SAGE1: variants seen among roughly 807,000 people sequenced by gnomAD.
The protein encoded by SAGE1 is cancer/testis antigen 14.
Under a neutral mutation model 55.4 loss-of-function variants are expected in SAGE1, and 55 were observed. The observed-to-expected ratio is 0.99, with a 90% CI of 0.80 to 1.24. The LOEUF (loss-of-function observed/expected upper bound fraction) is 1.24, where lower values mean the gene tolerates loss of function less well. SAGE1 is among the 50% of genes most tolerant of loss of function. SAGE1 has a pLI of 0.00. For missense variants in SAGE1, 710 were observed against 704.4 expected, an observed-to-expected ratio of 1.01 and a Z score of -0.09; for synonymous variants, 240 against 244.3, an observed-to-expected ratio of 0.98 and a Z score of 0.17.
intron 1 of SAGE1, among the ~76,000 whole-genome samples, chrX:135,895,663 A>T (rs113845399): frequency 9.1e-6 from 1 of 110,486 alleles, no homozygotes; most frequent in East Asian, 2.8e-4. Context: ...GGAATATCTG[A>T]AGATGCTGGT....
In SAGE1 at chrX:135,906,319, T is replaced by G. The variant is rs782817789; in HGVS notation, c.596-92T>G. ...TGATATATCCTACTGCTTTATGAAA[T>G]AATTTCATAGAAACTGAGCACCAGA... On this transcript the variant is annotated intron_variant, in intron 6 of 19. Transcript: ENST00000370709. 42 of 1,110,634 alleles carry G rather than the reference T, an allele frequency of 3.8e-5. No homozygotes were observed. The East Asian group carries it at 1.3e-3, about 34-fold the overall frequency. The allele number at this position is 1,110,634 out of a possible 1,213,427, so 91.5% of individuals were successfully genotyped here.
At chrX:135,912,687 A>AT (rs1299068339) in intron 19 of SAGE1, 111 bp from the exon 20 acceptor site, 6 of 1,117,180 alleles carry the variant, frequency 5.4e-6, no homozygotes, top group Non-Finnish European at 7.1e-6. Context: ...ATGAGGATGC[A>AT]TTTTCTGTTT....
chrX:135,911,081 T>G, intron 16 of SAGE1, 111 bp from the exon 17 acceptor site: 1 of 872,504 alleles, frequency 1.1e-6, no homozygotes, highest in East Asian at 3.2e-5. Flanking sequence ...ACCTGGTATA[T>G]CCTCCTGCTG....
At chrX:135,912,198 A>T (rs1280864096) in intron 18 of SAGE1, 123 bp from the exon 19 acceptor site, 39 of 1,099,104 alleles carry the variant, frequency 3.5e-5, no homozygotes, top group Non-Finnish European at 4.1e-5. Context: ...TTAAGCATTC[A>T]AAACAAGCAC....
At chrX:135,900,810 T>C (rs2088662321) in intron 2 of SAGE1, among the ~76,000 whole-genome samples, 4 of 111,036 alleles carry the variant, frequency 3.6e-5, no homozygotes, top group Non-Finnish European at 7.5e-5. Flanking sequence ...ATATGTATCA[T>C]CTAATAAAGT....
chrX:135,898,308 C>T (rs5930807), intron 2 of SAGE1, among the ~76,000 whole-genome samples: 23,961 of 111,407 alleles, frequency 0.22, 2,006 homozygotes, highest in Non-Finnish European at 0.26. Flanking sequence ...CGTGAGCCAC[C>T]GCACCCGGCC....
chrX:135,904,611 TTCATCC>T (rs2088749867), intron 4 of SAGE1, 42 bp downstream of exon 4: 2 of 558,022 alleles, frequency 3.6e-6, no homozygotes, highest in Non-Finnish European at 5.5e-6. Context: ...GAGTATGAAA[TTCATCC>T]ATGAGTACTT....
At chrX:135,901,381 C>T (rs5930809) in intron 2 of SAGE1, among the ~76,000 whole-genome samples, 178 bp from the exon 3 acceptor site, 23,656 of 110,322 alleles carry the variant, frequency 0.21, 2,030 homozygotes, top group Non-Finnish European at 0.26. Context: ...TGAGACTTGA[C>T]TAAAATTAGC....
At chrX:135,900,363 A>G (rs1361444802) in intron 2 of SAGE1, among the ~76,000 whole-genome samples, 2 of 111,634 alleles carry the variant, frequency 1.8e-5, no homozygotes, top group Non-Finnish European at 3.8e-5. Flanking sequence ...ATGGGGAATA[A>G]GCTTTTTGAT....
Position 135,908,189 on chromosome X carries a change from G to T in SAGE1, c.1260G>T (p.Leu420Phe), listed in dbSNP as rs145348061. ...CTGTTACACCAGAGCTTATTAACTTGGCAGGAGCTGGTATTCCACCCATGA... is the reference window on the plus strand; with the variant it reads ...CTGTTACACCAGAGCTTATTAACTTTGCAGGAGCTGGTATTCCACCCATGA... ...LSAVTPELIN[L>F]AGAGIPPMST... is the part of the protein sequence containing the mutation. Residue 420 changes from leucine to phenylalanine, a missense_variant, in exon 11 of 20, where the codon TTG (leucine) becomes TTT (phenylalanine). Coordinates refer to ENST00000370709, the MANE Select transcript of SAGE1 (RefSeq NM_001381902.1). 3.4e-4 allele frequency: 413 copies of T among 1,207,067 alleles called. No individual in the cohort carries two copies. Among genetic ancestry groups the T allele is most frequent in the Non-Finnish European group, 4.3e-4 (385 of 892,967 alleles).
chrX:135,904,009 C>A (rs12010245), intron 3 of SAGE1, among the ~76,000 whole-genome samples: 23,983 of 111,305 alleles, frequency 0.22, 2,023 homozygotes, highest in Non-Finnish European at 0.26. Context: ...GATTAATACA[C>A]AGCTGTCCCT....
intron 17 of SAGE1, 70 bp from the exon 18 acceptor site, chrX:135,911,509 C>A: frequency 1.1e-6 from 1 of 921,437 alleles, no homozygotes; most frequent in Non-Finnish European, 1.5e-6. Flanking sequence ...AACTGGGCAT[C>A]GGAGGGATAT....
Position 135,906,558 on chromosome X carries a change from T to C in SAGE1, c.736+7T>C. The C allele has an allele frequency of 9.3e-7, 1 of 1,074,034 alleles. No homozygotes were observed. The highest frequency in any genetic ancestry group is 1.3e-6 in the Non-Finnish European group (1 of 781,683). 88.5% of individuals were successfully genotyped at this position (1,074,034 alleles called of 1,213,427 possible). A position where few individuals can be genotyped will look rare whatever the true frequency, so the allele number is the denominator to read the frequency against. On this transcript the variant is annotated splice_region_variant and intron_variant, in intron 7 of 19. Coordinates refer to ENST00000370709, the MANE Select transcript of SAGE1 (RefSeq NM_001381902.1). The stretch of plus-strand genomic sequence containing the variant: ...ATGAGTACCAGGGATCCATGTAAGT[T>C]TGTTTATTTGTATTACTGTCCTACT...
At chrX:135,899,903 C>T (rs782493857) in intron 2 of SAGE1, among the ~76,000 whole-genome samples, 1 of 110,635 alleles carries the variant, frequency 9.0e-6, no homozygotes, top group Non-Finnish European at 1.9e-5. Context: ...GCTGAGACAA[C>T]GGGATTTTCT....
intron 2 of SAGE1, among the ~76,000 whole-genome samples, chrX:135,901,017 C>A (rs1392092615): frequency 5.6e-5 from 6 of 107,987 alleles, no homozygotes; most frequent in Non-Finnish European, 1.1e-4. Context: ...GTGGCGGGTG[C>A]CTGTAGTCCC....
At position 135,910,046 on chromosome X, in the gene SAGE1, C is replaced by T; in HGVS notation, c.1740C>T (p.His580=). 8.3e-7 allele frequency: 1 copy of T among 1,209,133 alleles called. No homozygotes were observed. Among genetic ancestry groups the T allele is most frequent in the South Asian group, 1.8e-5 (1 of 56,651 alleles). ...CTGTTCCAGATGCTACCGTCACTCA[C>T]AATGTCCATGAAGAGAAGATTAAAA... ...STRDQYATVT[H]NVHEEKIKNG... is the part of the protein sequence containing the mutation. Residue 580 remains histidine, a synonymous_variant, in exon 15 of 20, where the codon CAC becomes CAT. Coordinates refer to ENST00000370709, the MANE Select transcript of SAGE1 (RefSeq NM_001381902.1).
intron 2 of SAGE1, among the ~76,000 whole-genome samples, chrX:135,900,931 G>A (rs141035688): frequency 0.052 from 5,710 of 110,230 alleles, 133 homozygotes; most frequent in South Asian, 0.087. Context: ...AGGATCAGGA[G>A]GTCAGGAGAT....
At chrX:135,912,027 CT>C in intron 18 of SAGE1, 74 bp downstream of exon 18, 1 of 1,162,005 alleles carries the variant, frequency 8.6e-7, no homozygotes, top group Non-Finnish European at 1.1e-6. Context: ...CAGAATTGAG[CT>C]GCCTCTTGAG....
At chrX:135,908,000 T>A in intron 10 of SAGE1, 89 bp from the exon 11 acceptor site, 1 of 1,098,690 alleles carries the variant, frequency 9.1e-7, no homozygotes, top group Non-Finnish European at 1.2e-6. Flanking sequence ...GGAGATAAAT[T>A]CCTAGATAGT....
Sources: allele counts gnomAD v4.1 joint callset (sites outside exome capture counted in the v4.1 genomes callset), GRCh38; gene constraint gnomAD v4.1.1; transcripts MANE v1.5; gene names NCBI Gene and HGNC (gene_info 2026-07-23, HGNC 2026-07-21).